GTF2I: variants seen among roughly 807,000 people sequenced by gnomAD.
GTF2I encodes the protein general transcription factor II-I.
In GTF2I, 12 loss-of-function variants were observed where a neutral mutation model predicts 67.6. The ratio of observed to expected loss-of-function variants is 0.18; its 90% confidence interval spans 0.11 to 0.29. The LOEUF (loss-of-function observed/expected upper bound fraction) is 0.29, where lower values mean the gene tolerates loss of function less well. Ranked by LOEUF, GTF2I falls within the 10% of genes least tolerant of loss-of-function variation. The pLI is 1.00. For synonymous variants in GTF2I, 149 were observed against 197.0 expected (o/e 0.76, Z 2.04); for missense variants, 271 against 580.1 (o/e 0.47, Z 5.47).
At chr7:74,683,112 T>TA (rs1205261772) in intron 1 of GTF2I, among the ~76,000 whole-genome samples, 2 of 152,184 alleles carry the variant, frequency 1.3e-5, no homozygotes, top group Non-Finnish European at 2.9e-5. Flanking sequence ...GACAATAGCT[T>TA]AGAGTTTTCC....
At chr7:74,726,345 T>G (rs1323527259) in intron 12 of GTF2I, 1 of 152,120 alleles carries the variant, frequency 6.6e-6, no homozygotes, top group African/African-American at 2.4e-5. Flanking sequence ...TTCTAAAATC[T>G]GTTTGGGAGT....
intron 1 of GTF2I, among the ~76,000 whole-genome samples, chr7:74,675,691 AT>A (rs1805838505): frequency 6.6e-6 from 1 of 152,014 alleles, no homozygotes. Flanking sequence ...ATCGGATTAA[AT>A]TTTACAGTGT....
intron 1 of GTF2I, among the ~76,000 whole-genome samples, chr7:74,686,890 T>G (rs2131277013): frequency 6.6e-6 from 1 of 151,334 alleles, no homozygotes; most frequent in East Asian, 1.9e-4. Context: ...GTTTGTTTTG[T>G]TTTTGTTTTT....
Position 74,714,818 on chromosome 7 carries a change from G to A in GTF2I, c.764-39G>A, listed in dbSNP as rs782152249. On this transcript the variant is annotated intron_variant, in intron 9 of 34. Transcript: ENST00000573035. The stretch of plus-strand genomic sequence containing the variant: ...AAAGTCACCCCACATTTTTTTTTGG[G>A]GGGGATTACTTTTGAAGTATTATCT... 5 of 1,425,918 alleles carry A rather than the reference G, an allele frequency of 3.5e-6. No homozygotes were observed. In the African/African-American group the frequency reaches 7.3e-5, roughly 21 times the overall value. 88.3% of individuals were successfully genotyped at this position (1,425,918 alleles called of 1,614,324 possible).
intron 10 of GTF2I, 98 bp from the exon 11 acceptor site, chr7:74,716,796 A>G (rs1554403719): frequency 1.3e-6 from 1 of 742,846 alleles, no homozygotes; most frequent in Non-Finnish European, 2.3e-6. Flanking sequence ...GCATATGTTT[A>G]TTATGTCTTA....
chr7:74,694,478 T>C (rs1554397894), intron 3 of GTF2I, among the ~76,000 whole-genome samples: 3 of 152,096 alleles, frequency 2.0e-5, no homozygotes, highest in African/African-American at 7.2e-5. Flanking sequence ...TCCCAGCTGC[T>C]CTGGAGGCTG....
At chr7:74,706,660 T>G (rs974726814) in intron 8 of GTF2I, among the ~76,000 whole-genome samples, 3 of 151,936 alleles carry the variant, frequency 2.0e-5, no homozygotes, top group African/African-American at 7.2e-5. Flanking sequence ...TACATATGTT[T>G]GTAGATAAAA....
intron 1 of GTF2I, among the ~76,000 whole-genome samples, chr7:74,661,197 G>A (rs1398719877): frequency 6.6e-6 from 1 of 152,072 alleles, no homozygotes; most frequent in African/African-American, 2.4e-5. Context: ...TGCGGACTCT[G>A]CTTGCTGGGC....
At chr7:74,706,531 TAAGA>T (rs1790721376) in intron 8 of GTF2I, 98 bp downstream of exon 8, 1 of 914,390 alleles carries the variant, frequency 1.1e-6, no homozygotes, top group Non-Finnish European at 1.8e-6. Context: ...TTTGTTTTGA[TAAGA>T]AAGAGGCAGT....
rs150579631 is a variant in GTF2I at position 74,712,210 on chromosome 7, C to T, written c.763+1101C>T. 5.2e-3 allele frequency among the ~76,000 whole-genome samples: 788 copies of T among 152,218 alleles called. 9 individuals are homozygous for T. The highest frequency in any genetic ancestry group is 0.018 in the African/African-American group (727 of 41,536). ...AGGTGATCCACCCGCCTTGGCCTCC[C>T]AAAGTACTGGGATTACAGGGGCTAA... On this transcript the variant is annotated intron_variant, in intron 9 of 34. Transcript: ENST00000573035.
intron 3 of GTF2I, among the ~76,000 whole-genome samples, chr7:74,698,273 TAG>T (rs1263697890): frequency 6.6e-6 from 1 of 151,720 alleles, no homozygotes; most frequent in Non-Finnish European, 1.5e-5. Flanking sequence ...GTATTTTTAG[TAG>T]AGACGGTGGT....
intron 9 of GTF2I, among the ~76,000 whole-genome samples, chr7:74,711,593 G>A (rs955126668): frequency 2.6e-5 from 4 of 151,828 alleles, no homozygotes. Context: ...GTTATTCATT[G>A]CCCTGCCCAG....
At chr7:74,688,186 C>A (rs1388045983) in intron 1 of GTF2I, among the ~76,000 whole-genome samples, 1 of 152,070 alleles carries the variant, frequency 6.6e-6, no homozygotes, top group Non-Finnish European at 1.5e-5. Flanking sequence ...TCAAGCGATT[C>A]CCCTGTCTCA....
intron 12 of GTF2I, chr7:74,727,537 T>C (rs1290087086): frequency 3.3e-5 from 5 of 152,184 alleles, no homozygotes; most frequent in Admixed American, 6.5e-5. Context: ...AAAATAAGAA[T>C]AACAATTATA....
At chr7:74,685,890 A>G (rs1787683163) in intron 1 of GTF2I, among the ~76,000 whole-genome samples, 1 of 147,392 alleles carries the variant, frequency 6.8e-6, no homozygotes, top group Non-Finnish European at 1.5e-5. Flanking sequence ...CGTCTCTACT[A>G]AAAAACACAA....
At chr7:74,661,041 T>C (rs782435503) in intron 1 of GTF2I, among the ~76,000 whole-genome samples, 1 of 152,240 alleles carries the variant, frequency 6.6e-6, no homozygotes, top group Non-Finnish European at 1.5e-5. Flanking sequence ...TCTGTAATTC[T>C]ATTCTATAGA....
intron 12 of GTF2I, among the ~76,000 whole-genome samples, chr7:74,723,428 C>CTTTTTTTTTTTTTTTT (rs58149301): frequency 0.017 from 1,062 of 61,020 alleles, 222 homozygotes; most frequent in Middle Eastern, 0.024. Flanking sequence ...CTCCCGGCCT[C>CTTTTTTTTTTTTTTTT]TTTTTTTTTT....
At chr7:74,704,855 TAAAAAAAAAAAAA>T (rs35715710) in intron 6 of GTF2I, among the ~76,000 whole-genome samples, 9 of 76,958 alleles carry the variant, frequency 1.2e-4, no homozygotes, top group Admixed American at 3.6e-4. Context: ...ACCCTGTTTC[TAAAAAAAAAAAAA>T]AAAAAAAAAA....
chr7:74,718,312 C>T (rs1433636024), intron 11 of GTF2I, among the ~76,000 whole-genome samples: 4 of 152,092 alleles, frequency 2.6e-5, no homozygotes, highest in African/African-American at 9.6e-5. Context: ...CTAGCACTAA[C>T]ACTCTGATGT....
Sources: gnomAD v4.1 joint callset for allele counts (sites outside exome capture counted in the v4.1 genomes callset) on GRCh38, gnomAD v4.1.1 for gene constraint, MANE v1.5 for transcripts, NCBI Gene and HGNC (gene_info 2026-07-23, HGNC 2026-07-21) for gene names.